Variants in PIWIL2 observed in about 807,000 individuals in gnomAD.
PIWIL2 encodes the protein piwi like RNA-mediated gene silencing 2.
A neutral mutation model predicts 116.5 loss-of-function variants in PIWIL2; 81 were observed. The ratio of observed to expected loss-of-function variants is 0.70; its 90% CI spans 0.58 to 0.84. The LOEUF is 0.84. Ranked by LOEUF, PIWIL2 falls within the 40% of genes least tolerant of loss-of-function variation. The pLI is 0.00. For missense variants in PIWIL2, 1,272 were observed against 1,212.3 expected (o/e 1.05, Z -0.73); for synonymous variants, 489 against 429.5 (o/e 1.14, Z -1.71).
intron 10 of PIWIL2, among the ~76,000 whole-genome samples, chr8:22,298,691 C>T (rs1297297804): frequency 2.6e-5 from 4 of 152,102 alleles, no homozygotes; most frequent in Non-Finnish European, 4.4e-5. Context: ...TCTGTTCTAT[C>T]GGAAATAAAA....
chr8:22,277,034 T>TA (rs373195650), intron 1 of PIWIL2, among the ~76,000 whole-genome samples: 2,388 of 114,426 alleles, frequency 0.021, 38 homozygotes, highest in Non-Finnish European at 0.029. Context: ...TATATATATA[T>TA]TTTTTTTTTT....
At chr8:22,325,073 C>A (rs1282246885) in intron 20 of PIWIL2, among the ~76,000 whole-genome samples, 1 of 152,158 alleles carries the variant, frequency 6.6e-6, no homozygotes, top group Non-Finnish European at 1.5e-5. Context: ...CAGCTTCTGG[C>A]ACCTACAGTG....
chr8:22,349,419 G>GTA (rs71206515), intron 20 of PIWIL2, among the ~76,000 whole-genome samples: 9,086 of 134,352 alleles, frequency 0.068, 340 homozygotes, highest in Non-Finnish European at 0.087. Flanking sequence ...ATGTGTGTGT[G>GTA]TATATATATA....
chr8:22,321,210 A>G (rs1262902631), intron 20 of PIWIL2, among the ~76,000 whole-genome samples: 1 of 151,538 alleles, frequency 6.6e-6, no homozygotes, highest in African/African-American at 2.4e-5. Flanking sequence ...TTTTTGAGAC[A>G]GGTTCTTGCT....
intron 16 of PIWIL2, among the ~76,000 whole-genome samples, chr8:22,314,041 C>T (rs1482347632): frequency 6.6e-6 from 1 of 152,182 alleles, no homozygotes; most frequent in Non-Finnish European, 1.5e-5. Flanking sequence ...TGGTCCTTTT[C>T]CAGCCATCTG....
chr8:22,303,531 G>C (rs555978521), intron 10 of PIWIL2, among the ~76,000 whole-genome samples: 2 of 152,072 alleles, frequency 1.3e-5, no homozygotes, highest in East Asian at 1.9e-4. Flanking sequence ...GAGTATCTGG[G>C]ACTACAAGGT....
chr8:22,354,531 A>G (rs1216102551), intron 22 of PIWIL2, among the ~76,000 whole-genome samples, 153 bp downstream of exon 22: 2 of 152,158 alleles, frequency 1.3e-5, no homozygotes, highest in African/African-American at 2.4e-5. Flanking sequence ...GAGATTGGAA[A>G]TCCTGGTTTT....
At chr8:22,282,784 C>G (rs1170447719) in intron 4 of PIWIL2, among the ~76,000 whole-genome samples, 1 of 151,832 alleles carries the variant, frequency 6.6e-6, no homozygotes, top group Admixed American at 6.6e-5. Context: ...AGTGCGGGGT[C>G]TCACTGTATT....
chr8:22,279,606 T>C (rs1230111901), intron 2 of PIWIL2, 22 bp downstream of exon 2: 5 of 1,602,018 alleles, frequency 3.1e-6, no homozygotes, highest in Non-Finnish European at 4.3e-6. Context: ...TCCGGATGCA[T>C]AGGAGTGGCA....
intron 19 of PIWIL2, among the ~76,000 whole-genome samples, chr8:22,317,746 G>A (rs979333222): frequency 2.6e-5 from 4 of 151,834 alleles, no homozygotes; most frequent in Admixed American, 6.6e-5. Context: ...TGCAAGCTCC[G>A]CCTCCCAGGT....
chr8:22,345,632 C>G (rs540316192), intron 20 of PIWIL2, among the ~76,000 whole-genome samples: 5 of 152,048 alleles, frequency 3.3e-5, no homozygotes, highest in African/African-American at 1.2e-4. Flanking sequence ...CCACTGCACT[C>G]CAGCCTGGGT....
At chr8:22,343,777 C>T (rs910020408) in intron 20 of PIWIL2, among the ~76,000 whole-genome samples, 1 of 152,202 alleles carries the variant, frequency 6.6e-6, no homozygotes, top group African/African-American at 2.4e-5. Flanking sequence ...AACGCTCACT[C>T]ACGGCTGGTG....
intron 20 of PIWIL2, among the ~76,000 whole-genome samples, chr8:22,342,903 T>C (rs1832142697): frequency 6.6e-6 from 1 of 152,122 alleles, no homozygotes. Context: ...CTCTTAAAAC[T>C]CAACAGTAAG....
intron 1 of PIWIL2, among the ~76,000 whole-genome samples, chr8:22,276,787 T>C (rs1276930748): frequency 2.6e-5 from 4 of 151,920 alleles, no homozygotes; most frequent in Non-Finnish European, 4.4e-5. Flanking sequence ...CCTGAAGTCC[T>C]AGCTACTTGG....
At position 22,304,265 on chromosome 8, in the gene PIWIL2, T is replaced by G. The variant is rs183509561; in HGVS notation, c.1370+56T>G. 873 of 1,138,738 alleles carry G rather than the reference T, an allele frequency of 7.7e-4. 3 individuals carry two copies. The highest frequency in any genetic ancestry group is 9.9e-4 in the Non-Finnish European group (761 of 769,868). 70.5% of individuals were successfully genotyped at this position (1,138,738 alleles called of 1,614,324 possible). ...GGGTGGGGGTTGGATGTAGTCCACG[T>G]TCTCCAGCAGATATTGAGTTCTGCA... On this transcript the variant is annotated intron_variant, in intron 11 of 22. Transcript: ENST00000356766.
At chr8:22,334,919 G>A (rs1199173375) in intron 20 of PIWIL2, among the ~76,000 whole-genome samples, 3 of 151,790 alleles carry the variant, frequency 2.0e-5, no homozygotes, top group African/African-American at 7.3e-5. Flanking sequence ...GGTGGGCGTG[G>A]TGGCGGGCAC....
intron 20 of PIWIL2, among the ~76,000 whole-genome samples, chr8:22,345,387 G>A (rs1367968021): frequency 1.3e-5 from 2 of 152,164 alleles, no homozygotes; most frequent in Admixed American, 6.6e-5. Context: ...TGGGCCAGGC[G>A]CAGTGGCTCA....
chr8:22,337,666 G>A (rs1022303188), intron 20 of PIWIL2, among the ~76,000 whole-genome samples: 2 of 151,828 alleles, frequency 1.3e-5, no homozygotes, highest in Non-Finnish European at 2.9e-5. Flanking sequence ...GGAGGCGGAG[G>A]TTGCAGTAAG....
At chr8:22,317,287 C>A (rs571441808) in intron 19 of PIWIL2, among the ~76,000 whole-genome samples, 1 of 152,236 alleles carries the variant, frequency 6.6e-6, no homozygotes, top group African/African-American at 2.4e-5. Flanking sequence ...TCCTCATGGT[C>A]CAGCTTTTAT....
Sources: allele counts gnomAD v4.1 joint callset (sites outside exome capture counted in the v4.1 genomes callset), GRCh38; gene constraint gnomAD v4.1.1; transcripts MANE v1.5; gene names NCBI Gene and HGNC (gene_info 2026-07-23, HGNC 2026-07-21).